The following ZFX variants were observed in gnomAD, a reference collection of about 807,000 sequenced individuals.
The protein encoded by ZFX is zinc finger protein X-linked.
For missense variants in ZFX, 362 were observed against 628.3 expected (o/e 0.58, Z 4.53); for synonymous variants, 196 against 226.8 (o/e 0.86, Z 1.22).
At chrX:24,196,795 T>C (rs1383888310) in intron 5 of ZFX, among the ~76,000 whole-genome samples, 1 of 111,408 alleles carries the variant, frequency 9.0e-6, no homozygotes, top group Non-Finnish European at 1.9e-5. Flanking sequence ...GGGGTCTCAC[T>C]ATGTTGTCCA....
intron 1 of ZFX, chrX:24,150,201 G>T (rs1244447698): frequency 2.4e-5 from 2 of 83,341 alleles, no homozygotes; most frequent in Non-Finnish European, 4.6e-5. Flanking sequence ...AGGGACGGGG[G>T]ACAAGATGGC....
At chrX:24,202,598 A>G (rs1027831027) in intron 5 of ZFX, among the ~76,000 whole-genome samples, 6 of 111,086 alleles carry the variant, frequency 5.4e-5, no homozygotes, top group African/African-American at 2.0e-4. Flanking sequence ...ATGCCCTTCT[A>G]CTGCCCTCTC....
In ZFX at chrX:24,186,958, C is replaced by T. The variant is rs376772346; in HGVS notation, c.646+7188C>T. On this transcript the variant is annotated intron_variant, in intron 5 of 9. Transcript: ENST00000304543. ...ATATATGAATGTTATAGCTGAAAGT[C>T]CGTGTACATCATGCCTCATCCAAGG... Among the ~76,000 whole-genome samples the T allele has an allele frequency of 1.4e-4, 16 of 112,040 alleles. No individual in the cohort carries two copies. In the East Asian group the frequency reaches 2.8e-3, roughly 19 times the overall value.
intron 5 of ZFX, 21 bp from the exon 6 acceptor site, chrX:24,207,305 A>T: frequency 9.4e-7 from 1 of 1,059,407 alleles, no homozygotes; most frequent in Non-Finnish European, 1.3e-6. Flanking sequence ...ACTATTTGTG[A>T]TTTATTTCCT....
chrX:24,178,071 A>G (rs886689673), intron 4 of ZFX, among the ~76,000 whole-genome samples: 8 of 106,697 alleles, frequency 7.5e-5, no homozygotes, highest in African/African-American at 2.7e-4. Flanking sequence ...AGCTGGGACT[A>G]CAGGTGCCCG....
chrX:24,207,572 T>A (rs1937682633), intron 6 of ZFX, 97 bp downstream of exon 6: 1 of 1,130,189 alleles, frequency 8.8e-7, no homozygotes. Flanking sequence ...GAGTCTCTTC[T>A]GAAGTAACTT....
At chrX:24,172,970 C>G (rs1601851744) in intron 4 of ZFX, 170 bp downstream of exon 4, 1 of 386,490 alleles carries the variant, frequency 2.6e-6, no homozygotes, top group Non-Finnish European at 4.2e-6. Flanking sequence ...AAAGATGTGG[C>G]TCCCTCACAA....
chrX:24,163,674 G>A (rs1431864420), intron 3 of ZFX, among the ~76,000 whole-genome samples: 4 of 105,911 alleles, frequency 3.8e-5, no homozygotes, highest in African/African-American at 1.4e-4. Flanking sequence ...CACCATGCCC[G>A]GCCGCCTAGC....
At chrX:24,151,154 G>A (rs1372391231) in intron 1 of ZFX, among the ~76,000 whole-genome samples, 4 of 112,234 alleles carry the variant, frequency 3.6e-5, no homozygotes, top group African/African-American at 6.5e-5. Flanking sequence ...CAACTTTCTT[G>A]ATAAACTCGG....
chrX:24,159,269 C>T (rs1316698278), intron 3 of ZFX, among the ~76,000 whole-genome samples: 3 of 112,235 alleles, frequency 2.7e-5, no homozygotes, highest in Non-Finnish European at 3.8e-5. Context: ...GGATTATAGG[C>T]GTGAGCTACA....
At chrX:24,210,114 A>AG in intron 9 of ZFX, 79 bp from the exon 10 acceptor site, 1 of 1,173,067 alleles carries the variant, frequency 8.5e-7, no homozygotes, top group Admixed American at 2.2e-5. Context: ...CAGTGGTCAG[A>AG]ACCCACACTT....
rs910535687 is a variant in ZFX, at chrX:24,150,417, C to G, written c.-250+623C>G. ...CGCGCGGAGGGGCGTGCTCGCTCCC[C>G]GTGGCGGCCATTGCCCTTGCCGCCA... On this transcript the variant is annotated intron_variant, in intron 1 of 9. Coordinates refer to ENST00000304543, the MANE Select transcript of ZFX (RefSeq NM_003410.4). 116 of 112,352 alleles carry G rather than the reference C, an allele frequency of 1.0e-3. 7 individuals carry two copies. The highest frequency in any genetic ancestry group is 3.8e-5 in the Non-Finnish European group (2 of 52,892). 9.3% of individuals were successfully genotyped at this position (112,352 alleles called of 1,213,427 possible).
chrX:24,180,121 A>G (rs1345882207), intron 5 of ZFX, among the ~76,000 whole-genome samples: 1 of 109,100 alleles, frequency 9.2e-6, no homozygotes, highest in Non-Finnish European at 1.9e-5. Flanking sequence ...AATCCCAGCT[A>G]CTTGGGAGGC....
At chrX:24,184,242 C>T (rs1190215014) in intron 5 of ZFX, among the ~76,000 whole-genome samples, 1 of 111,606 alleles carries the variant, frequency 9.0e-6, no homozygotes, top group Non-Finnish European at 1.9e-5. Flanking sequence ...CAACCCAGGA[C>T]CAAGGCTAGA....
intron 3 of ZFX, among the ~76,000 whole-genome samples, chrX:24,153,307 C>T (rs1213112264): frequency 9.0e-6 from 1 of 111,439 alleles, no homozygotes; most frequent in African/African-American, 3.3e-5. Flanking sequence ...CAAGTCTCCC[C>T]TCCCTTCCCC....
rs188019359 is a variant in ZFX, at chrX:24,154,719, G to A, written c.-29+1889G>A. Among the ~76,000 whole-genome samples, 31 of 111,500 alleles carry A rather than the reference G, an allele frequency of 2.8e-4. No individual in the cohort carries two copies. In the East Asian group the frequency reaches 8.1e-3, roughly 29 times the overall value. ...TTTCTATTAAGCCAGACATGAAAGA[G>A]ATTTGCAAAAATGTAAAACAGTGCC... On this transcript the variant is annotated intron_variant, in intron 3 of 9. Coordinates refer to ENST00000304543, the MANE Select transcript of ZFX (RefSeq NM_003410.4).
In ZFX at chrX:24,207,696, C is replaced by T; in HGVS notation, c.797-16C>T. On this transcript the variant is annotated splice_polypyrimidine_tract_variant and intron_variant, in intron 6 of 9. Transcript: ENST00000304543. Reference sequence around the variant, plus strand: ...TCAAATAAATTATTGAAGCTGTCTTCTTCCCTGATTGATAGGTGGAACTGT... The same window carrying T: ...TCAAATAAATTATTGAAGCTGTCTTTTTCCCTGATTGATAGGTGGAACTGT... 1.0e-5 allele frequency: 12 copies of T among 1,205,269 alleles called. No individual in the cohort carries two copies. Among genetic ancestry groups the T allele is most frequent in the Non-Finnish European group, 1.3e-5 (12 of 893,169 alleles).
intron 7 of ZFX, 57 bp downstream of exon 7, chrX:24,207,912 G>A: frequency 8.7e-7 from 1 of 1,146,599 alleles, no homozygotes; most frequent in East Asian, 3.0e-5. Context: ...CTTTTAAGTG[G>A]CCAGTGTTTG....
chrX:24,166,663 T>C (rs1934031599), intron 3 of ZFX, among the ~76,000 whole-genome samples: 1 of 111,674 alleles, frequency 9.0e-6, no homozygotes, highest in Non-Finnish European at 1.9e-5. Context: ...CCATGCTGTT[T>C]TATTTGGCAC....
Sources: gnomAD v4.1 joint callset for allele counts (sites outside exome capture counted in the v4.1 genomes callset) on GRCh38, gnomAD v4.1.1 for gene constraint, MANE v1.5 for transcripts, NCBI Gene and HGNC (gene_info 2026-07-23, HGNC 2026-07-21) for gene names.